Variants in SH3BP5 observed in about 807,000 individuals in gnomAD.
The protein encoded by SH3BP5 is SH3 domain binding protein 5.
SH3BP5 carries 22 observed loss-of-function variants against 43.3 expected under a neutral mutation model. The observed-to-expected ratio is 0.51, with a 90% confidence interval of 0.36 to 0.73. SH3BP5 has a LOEUF of 0.73. Ranked by LOEUF, SH3BP5 falls within the 30% of genes least tolerant of loss-of-function variation. The pLI is 0.00. For synonymous variants in SH3BP5, 255 were observed against 225.8 expected (o/e 1.13, Z -1.16); for missense variants, 529 against 586.9 (o/e 0.90, Z 1.02).
intron 2 of SH3BP5, 53 bp downstream of exon 2, chr3:15,330,451 T>C: frequency 6.9e-7 from 1 of 1,451,702 alleles, no homozygotes; most frequent in Non-Finnish European, 9.7e-7. Flanking sequence ...ACCAGCCTTG[T>C]GCCGGTGTGA....
chr3:15,322,022 T>C (rs146164327), intron 2 of SH3BP5, among the ~76,000 whole-genome samples: 4,363 of 152,100 alleles, frequency 0.029, 74 homozygotes, highest in South Asian at 0.082. Flanking sequence ...TTGACCTACA[T>C]AGTGAAACCC....
chr3:15,317,342 C>A (rs1358891255), intron 2 of SH3BP5, among the ~76,000 whole-genome samples: 1 of 152,206 alleles, frequency 6.6e-6, no homozygotes, highest in Non-Finnish European at 1.5e-5. Flanking sequence ...TCCAGGCAGG[C>A]TGGCTGGCTG....
chr3:15,330,863 A>G (rs1316785692), intron 1 of SH3BP5: 9 of 357,804 alleles, frequency 2.5e-5, no homozygotes, highest in Non-Finnish European at 3.5e-5. Flanking sequence ...CCTGTTACAA[A>G]TGGTTTAATG....
intron 1 of SH3BP5, 190 bp from the exon 2 acceptor site, chr3:15,330,756 A>G (rs931286972): frequency 5.1e-6 from 5 of 985,086 alleles, no homozygotes; most frequent in Non-Finnish European, 6.0e-6. Context: ...TTCTGAAACC[A>G]TTTTCTTGAG....
At position 15,255,980 on chromosome 3, in the gene SH3BP5, AGAGTAGACGTGTAAGAT is replaced by A; in HGVS notation, c.*89_*105del. 1.1e-6 allele frequency: 1 copy of A among 932,616 alleles called. No homozygotes were observed. Among genetic ancestry groups the A allele is most frequent in the Admixed American group, 2.1e-5 (1 of 46,790 alleles). The allele number at this position is 932,616 out of a possible 1,614,324, so 57.8% of individuals were successfully genotyped here. A position where few individuals can be genotyped will look rare whatever the true frequency, so the allele number is the denominator to read the frequency against. On this transcript the variant is annotated 3_prime_UTR_variant, in exon 9 of 9. Transcript: ENST00000383791. ...CACTGAAACTTCATTAGAGCAGTTT[AGAGTAGACGTGTAAGAT>A]TTGGCATATATTAAATGATTATTGG...
rs28450659 is a variant in SH3BP5 at position 15,332,543 on chromosome 3, C to T, written c.-135G>A. On this transcript the variant is annotated 5_prime_UTR_variant, in exon 1 of 9. Transcript: ENST00000383791. ...GCCGCCGGGGCCGACACCCGGGAGA[C>T]GCAGCTCGCCGATGCGGATACCTCC... is the stretch of plus-strand genomic sequence containing the variant. The T allele has an allele frequency of 0.17, 207,876 of 1,238,240 alleles. 17,618 individuals carry two copies. The highest frequency in any genetic ancestry group is 0.23 in the Middle Eastern group (719 of 3,182). The allele number at this position is 1,238,240 out of a possible 1,614,324, so 76.7% of individuals were successfully genotyped here. A position where few individuals can be genotyped will look rare whatever the true frequency, so the allele number is the denominator to read the frequency against.
chr3:15,333,061 C>A, upstream of SH3BP5: 1 of 984,714 alleles, frequency 1.0e-6, no homozygotes, highest in Non-Finnish European at 1.2e-6. Context: ...AGCCCCATAC[C>A]GAAACACAGA....
intron 2 of SH3BP5, among the ~76,000 whole-genome samples, chr3:15,317,240 C>T (rs1342529308): frequency 1.3e-5 from 2 of 152,168 alleles, no homozygotes; most frequent in African/African-American, 2.4e-5. Flanking sequence ...AGAATCAGGG[C>T]GATATGGCGA....
intron 2 of SH3BP5, among the ~76,000 whole-genome samples, chr3:15,318,571 GT>G (rs200695446): frequency 1.0e-4 from 9 of 88,334 alleles, no homozygotes; most frequent in Non-Finnish European, 2.0e-4. Flanking sequence ...TTTTGTTTTT[GT>G]TTTTTTTAAG....
At chr3:15,314,514 A>T (rs1277853481) in intron 2 of SH3BP5, among the ~76,000 whole-genome samples, 1 of 152,154 alleles carries the variant, frequency 6.6e-6, no homozygotes, top group African/African-American at 2.4e-5. Context: ...AGAGTGGGGG[A>T]GCAAGGGAGC....
intron 7 of SH3BP5, among the ~76,000 whole-genome samples, chr3:15,258,382 C>G (rs375076638): frequency 1.3e-5 from 2 of 152,026 alleles, no homozygotes; most frequent in East Asian, 3.9e-4. Context: ...TAAGCTGAAC[C>G]ACCACCCTAC....
intron 3 of SH3BP5, among the ~76,000 whole-genome samples, chr3:15,289,913 C>G (rs1009447082): frequency 2.6e-5 from 4 of 152,172 alleles, no homozygotes; most frequent in African/African-American, 9.7e-5. Flanking sequence ...AGAACCTTCA[C>G]TAAGCTGGCC....
intron 2 of SH3BP5, among the ~76,000 whole-genome samples, chr3:15,325,284 C>T (rs556042768): frequency 2.0e-5 from 3 of 152,378 alleles, no homozygotes; most frequent in African/African-American, 7.2e-5. Flanking sequence ...ACTATCTCAC[C>T]TAGCAGGGCT....
At chr3:15,334,228 G>T (rs1698673741), upstream of SH3BP5, among the ~76,000 whole-genome samples, 1 of 152,108 alleles carries the variant, frequency 6.6e-6, no homozygotes, top group South Asian at 2.1e-4. Flanking sequence ...GACTTTTGTT[G>T]TCTTATTTTT....
At chr3:15,296,298 T>A (rs1335574841) in intron 3 of SH3BP5, among the ~76,000 whole-genome samples, 2 of 150,756 alleles carry the variant, frequency 1.3e-5, no homozygotes, top group Non-Finnish European at 2.9e-5. Flanking sequence ...CCTGCTATAA[T>A]CCTCCCACAG....
rs370901326 is a variant in SH3BP5, at chr3:15,262,313, C to T, written c.496-24G>A. On this transcript the variant is annotated intron_variant, in intron 4 of 8. Transcript: ENST00000383791. ...ACCTTAAAATGACAGCAGAGTTCAG[C>T]CCAGTCCAGCCCAGAACAGCCCAGG... 1.7e-4 allele frequency: 270 copies of T among 1,596,646 alleles called. 1 individual carries two copies. Among genetic ancestry groups the T allele is most frequent in the Non-Finnish European group, 2.2e-4 (259 of 1,164,230 alleles).
intron 2 of SH3BP5, among the ~76,000 whole-genome samples, chr3:15,305,093 G>A (rs533980208): frequency 6.6e-6 from 1 of 151,620 alleles, no homozygotes; most frequent in South Asian, 2.1e-4. Flanking sequence ...CTGCAGCCTG[G>A]GTGACAGAGT....
intron 3 of SH3BP5, among the ~76,000 whole-genome samples, chr3:15,297,899 A>G (rs1173576155): frequency 3.3e-5 from 5 of 152,092 alleles, no homozygotes; most frequent in Non-Finnish European, 7.4e-5. Flanking sequence ...GAGCTAAATA[A>G]ATGTTTTAAG....
intron 5 of SH3BP5, among the ~76,000 whole-genome samples, chr3:15,261,087 G>C (rs146341016): frequency 6.6e-6 from 1 of 152,126 alleles, no homozygotes; most frequent in Non-Finnish European, 1.5e-5. Context: ...GCAGGCACAG[G>C]TCCTACAACA....
Sources: allele counts gnomAD v4.1 joint callset (sites outside exome capture counted in the v4.1 genomes callset), GRCh38; gene constraint gnomAD v4.1.1; transcripts MANE v1.5; gene names NCBI Gene and HGNC (gene_info 2026-07-23, HGNC 2026-07-21).